The following DIAPH3 variants were observed in gnomAD, a reference collection of about 807,000 sequenced individuals.
DIAPH3 encodes the protein diaphanous related formin 3, also known as protein diaphanous homolog 3.
Under a neutral mutation model 144.3 loss-of-function variants are expected in DIAPH3, and 117 were observed. The observed-to-expected ratio is 0.81, with a 90% CI of 0.70 to 0.95. The LOEUF is 0.95. Ranked by LOEUF, DIAPH3 falls within the 40% of genes least tolerant of loss-of-function variation. The probability of loss-of-function intolerance (pLI) is 0.00; values close to 1 mark genes in which losing one functional copy is unlikely to be tolerated. For missense variants in DIAPH3, 1,421 were observed against 1,412.7 expected (o/e 1.01, Z -0.09); for synonymous variants, 519 against 488.9 (o/e 1.06, Z -0.81).
chr13:60,145,195 T>C (rs1028447854), intron 1 of DIAPH3, among the ~76,000 whole-genome samples: 5 of 152,188 alleles, frequency 3.3e-5, no homozygotes, highest in African/African-American at 9.7e-5. Flanking sequence ...TCACTCTCCT[T>C]CCTTTCCCTC....
chr13:59,883,666 A>G (rs1285749712), intron 20 of DIAPH3, among the ~76,000 whole-genome samples: 1 of 152,194 alleles, frequency 6.6e-6, no homozygotes, highest in Non-Finnish European at 1.5e-5. Context: ...CCTGGCTAGT[A>G]GGACCCAGGC....
chr13:60,059,146 A>C (rs1048270927), intron 4 of DIAPH3, among the ~76,000 whole-genome samples: 2 of 151,884 alleles, frequency 1.3e-5, no homozygotes, highest in Non-Finnish European at 1.5e-5. Context: ...AAACTAAAAA[A>C]TACAATGTTT....
intron 27 of DIAPH3, among the ~76,000 whole-genome samples, chr13:59,722,436 A>G (rs1345366449): frequency 1.3e-5 from 2 of 152,238 alleles, no homozygotes; most frequent in East Asian, 3.8e-4. Flanking sequence ...ACCACATCAG[A>G]GACCCCATGC....
At chr13:60,067,070 G>A (rs1053061991) in intron 4 of DIAPH3, among the ~76,000 whole-genome samples, 3 of 152,098 alleles carry the variant, frequency 2.0e-5, no homozygotes, top group Non-Finnish European at 4.4e-5. Flanking sequence ...CTTGACTCCA[G>A]GAGTTCAAGA....
At chr13:59,764,860 A>AT (rs1274092837) in intron 27 of DIAPH3, among the ~76,000 whole-genome samples, 2 of 152,050 alleles carry the variant, frequency 1.3e-5, no homozygotes, top group East Asian at 3.9e-4. Context: ...GAGAGAATAA[A>AT]TTTTTGTTGT....
chr13:60,111,979 C>T, intron 3 of DIAPH3, 31 bp downstream of exon 3: 1 of 1,611,840 alleles, frequency 6.2e-7, no homozygotes, highest in Non-Finnish European at 8.5e-7. Context: ...GCTTTTTCCT[C>T]AAACATTTCC....
rs754556491 is a variant in DIAPH3, at chr13:59,666,706, T to C, written c.3460A>G (p.Lys1154Glu). The C allele has an allele frequency of 6.2e-7, 1 of 1,614,042 alleles. No homozygotes were observed. Among genetic ancestry groups the C allele is most frequent in the African/African-American group, 1.3e-5 (1 of 74,946 alleles). ...TSTGRIKAAEKKEACNVESNR... is the reference protein window; with the variant it reads ...TSTGRIKAAEEKEACNVESNR... The stretch of plus-strand genomic sequence containing the variant: ...CTTTCTACATTACACGCTTCCTTCT[T>C]CTCAGCTGCCTTGATCCTCCCAGTA... Residue 1154 changes from lysine (K) to glutamate (E), a missense_variant, in exon 28 of 28, where the codon AAG (lysine) becomes GAG (glutamate). Coordinates refer to ENST00000400324, the MANE Select transcript of DIAPH3 (RefSeq NM_001042517.2).
At chr13:59,972,612 A>C (rs1303565069) in intron 15 of DIAPH3, among the ~76,000 whole-genome samples, 1 of 152,214 alleles carries the variant, frequency 6.6e-6, no homozygotes, top group Non-Finnish European at 1.5e-5. Flanking sequence ...AAAACCATTA[A>C]GTATAAAGAA....
At chr13:59,956,740 C>A (rs899663027) in intron 17 of DIAPH3, among the ~76,000 whole-genome samples, 2 of 152,156 alleles carry the variant, frequency 1.3e-5, no homozygotes, top group Non-Finnish European at 2.9e-5. Context: ...ACCAGGAAAA[C>A]CCACAGACAC....
chr13:59,806,466 A>G (rs1004001246), intron 25 of DIAPH3, among the ~76,000 whole-genome samples: 2 of 152,032 alleles, frequency 1.3e-5, no homozygotes, highest in African/African-American at 4.8e-5. Context: ...ACTTCTGAGG[A>G]TTTTTATTAA....
rs371644332 is a variant in DIAPH3, at chr13:60,015,917, G to A, written c.767C>T (p.Thr256Met). ...VIQCLKALMN[T>M]QYGLERIMSE... is the part of the protein sequence containing the mutation. ...ACTAATTACGTATGTACATACCTGC[G>A]TATTCATCAGGGCTTTTAGACACTG... Residue 256 changes from threonine to methionine, a missense_variant, in exon 7 of 28, where the codon ACG (threonine) becomes ATG (methionine). By Grantham distance (81) the Thr-to-Met change is moderately conservative (BLOSUM62 -1). Transcript: ENST00000400324. 1.7e-5 allele frequency: 28 copies of A among 1,611,190 alleles called. No individual in the cohort carries two copies. The highest frequency in any genetic ancestry group is 6.7e-5 in the East Asian group (3 of 44,788).
chr13:59,986,558 T>C lies in DIAPH3; in HGVS notation c.1362-2671A>G, dbSNP rs942256682. On this transcript the variant is annotated intron_variant, in intron 12 of 27. Transcript: ENST00000400324. ...AGGCAACCTACAACATGGGAGAAAATTTTCGCAACCTACTCATCTGACAAA... is the reference window on the plus strand; with the variant it reads ...AGGCAACCTACAACATGGGAGAAAACTTTCGCAACCTACTCATCTGACAAA... Among the ~76,000 whole-genome samples the C allele has an allele frequency of 8.5e-5, 4 of 46,958 alleles. 2 individuals are homozygous for C. In the Admixed American group the frequency reaches 1.3e-3, roughly 15 times the overall value. 30.8% of individuals were successfully genotyped at this position (46,958 alleles called of 152,430 possible).
rs140205469 is a variant in DIAPH3 at position 59,701,139 on chromosome 13, T to C, written c.3320-34293A>G. Among the ~76,000 whole-genome samples the C allele has an allele frequency of 1.7e-3, 257 of 152,334 alleles. 2 individuals carry two copies. The East Asian group carries it at 0.032, about 19-fold the overall frequency. On this transcript the variant is annotated intron_variant, in intron 27 of 27. Transcript: ENST00000400324. ...GTCTAAAAAATTACACATTTAGAAA[T>C]TGATCTTATCCTTCTGTTAATTTTA...
intron 4 of DIAPH3, among the ~76,000 whole-genome samples, chr13:60,077,463 A>G (rs892354916): frequency 6.6e-6 from 1 of 152,166 alleles, no homozygotes; most frequent in Non-Finnish European, 1.5e-5. Flanking sequence ...GACCCAGGAG[A>G]TTACACGCAC....
Position 59,759,666 on chromosome 13 carries a change from T to C in DIAPH3, c.3319+14523A>G, listed in dbSNP as rs550458170. On this transcript the variant is annotated intron_variant, in intron 27 of 27. Transcript: ENST00000400324. The stretch of plus-strand genomic sequence containing the variant: ...TGAGCAGCAAACAGAGACACCAGTG[T>C]TTAAAAAGTGATGAAAGTGGCTGGG... Among the ~76,000 whole-genome samples the C allele has an allele frequency of 4.6e-5, 7 of 152,122 alleles. No individual in the cohort carries two copies. In the South Asian group the frequency reaches 1.5e-3, roughly 32 times the overall value.
chr13:59,970,968 G>T lies in DIAPH3; in HGVS notation c.1843C>A (p.Pro615Thr). The T allele has an allele frequency of 6.2e-7, 1 of 1,613,918 alleles. No individual in the cohort carries two copies. Among genetic ancestry groups the T allele is most frequent in the African/African-American group, 1.3e-5 (1 of 74,996 alleles). The change falls in exon 16 of 28, where the codon CCC becomes ACC. Residue 615 changes from proline to threonine, a missense_variant. By Grantham distance (38) the Pro-to-Thr change is conservative. Coordinates refer to ENST00000400324, the MANE Select transcript of DIAPH3 (RefSeq NM_001042517.2). ...TTTTGTCCTCCAAGGAATCCCAGGGGAGGTGGTGGAGGCACAGGACCACTG... is the reference window on the plus strand; with the variant it reads ...TTTTGTCCTCCAAGGAATCCCAGGGTAGGTGGTGGAGGCACAGGACCACTG... ...PFSGPVPPPPPLGFLGGQNSP... is the reference protein window; with the variant it reads ...PFSGPVPPPPTLGFLGGQNSP...
chr13:60,005,291 G>C (rs1302245053), intron 9 of DIAPH3, among the ~76,000 whole-genome samples: 1 of 152,172 alleles, frequency 6.6e-6, no homozygotes, highest in Non-Finnish European at 1.5e-5. Context: ...TACGTGAAAT[G>C]TCTGGAATAT....
chr13:60,155,015 A>T (rs1231299392), intron 1 of DIAPH3, among the ~76,000 whole-genome samples: 1 of 152,232 alleles, frequency 6.6e-6, no homozygotes, highest in African/African-American at 2.4e-5. Context: ...AATCCAATTT[A>T]TAAGGCAATA....
At chr13:60,008,302 A>G (rs1416477264) in intron 9 of DIAPH3, among the ~76,000 whole-genome samples, 2 of 152,164 alleles carry the variant, frequency 1.3e-5, no homozygotes, top group African/African-American at 4.8e-5. Context: ...AGGCTGAGGC[A>G]GAAGAATGGT....
Sources: gnomAD v4.1 joint callset for allele counts (sites outside exome capture counted in the v4.1 genomes callset) on GRCh38, gnomAD v4.1.1 for gene constraint, MANE v1.5 for transcripts, NCBI Gene and HGNC (gene_info 2026-07-23, HGNC 2026-07-21) for gene names.